CTNNA3: variants seen among roughly 807,000 people sequenced by gnomAD.
The protein encoded by CTNNA3 is catenin alpha-3.
In CTNNA3, 76 loss-of-function variants were observed where a neutral mutation model predicts 95.7. That is an observed-to-expected ratio of 0.79 (90% CI 0.66 to 0.96). CTNNA3 has a LOEUF of 0.96. CTNNA3 is among the 40% of genes least tolerant of loss of function. CTNNA3 has a pLI of 0.00. For synonymous variants in CTNNA3, 431 were observed against 374.4 expected, an observed-to-expected ratio of 1.15 and a Z score of -1.74; for missense variants, 1,191 against 1,089.8, an observed-to-expected ratio of 1.09 and a Z score of -1.31.
chr10:65,991,096 C>T (rs547359193), intron 15 of CTNNA3, among the ~76,000 whole-genome samples: 88 of 151,892 alleles, frequency 5.8e-4, no homozygotes, highest in African/African-American at 2.1e-3. Context: ...TTTCTGGGTT[C>T]TTTATTGGTT....
chr10:66,533,449 C>G (rs910761820), intron 10 of CTNNA3, among the ~76,000 whole-genome samples: 1 of 152,092 alleles, frequency 6.6e-6, no homozygotes, highest in African/African-American at 2.4e-5. Context: ...ATATCTCAAA[C>G]TTTATCAAAT....
chr10:67,229,141 C>G lies in CTNNA3; in HGVS notation c.580-9271G>C, dbSNP rs140929160. Among the ~76,000 whole-genome samples the G allele has an allele frequency of 7.7e-3, 1,176 of 152,164 alleles. 19 individuals carry two copies. Among genetic ancestry groups the G allele is most frequent in the African/African-American group, 0.027 (1,112 of 41,498 alleles). On this transcript the variant is annotated intron_variant, in intron 5 of 17. Transcript: ENST00000433211. ...CACCATGCTCAAGTGGGTTTCATAC[C>G]AGGGATGCAGGGATGGTTTAACATA...
intron 5 of CTNNA3, among the ~76,000 whole-genome samples, chr10:67,284,839 A>G (rs1428272512): frequency 2.6e-5 from 4 of 152,214 alleles, no homozygotes; most frequent in Non-Finnish European, 4.4e-5. Context: ...GAGTGTTAAA[A>G]ATATTGAAAA....
intron 1 of CTNNA3, among the ~76,000 whole-genome samples, chr10:67,740,629 GA>G (rs1169300547): frequency 1.3e-5 from 2 of 151,400 alleles, no homozygotes; most frequent in Non-Finnish European, 3.0e-5. Flanking sequence ...ACACCAGTTA[GA>G]ATGGCAGTCA....
intron 3 of CTNNA3, among the ~76,000 whole-genome samples, chr10:67,575,191 A>T (rs1437622741): frequency 6.6e-6 from 1 of 151,910 alleles, no homozygotes; most frequent in Non-Finnish European, 1.5e-5. Context: ...TCCTATATAT[A>T]TTTTTTGTTT....
chr10:66,897,432 A>T (rs921782031), intron 7 of CTNNA3, among the ~76,000 whole-genome samples: 2 of 152,134 alleles, frequency 1.3e-5, no homozygotes, highest in African/African-American at 4.8e-5. Context: ...ATAATTATTA[A>T]ACAAAATTAA....
chr10:67,646,702 A>G (rs74444779), intron 2 of CTNNA3, among the ~76,000 whole-genome samples: 2,791 of 152,202 alleles, frequency 0.018, 90 homozygotes, highest in African/African-American at 0.064. Flanking sequence ...AAGGGACTTG[A>G]ATCTTGTATT....
chr10:67,207,671 T>A (rs1339226403), intron 6 of CTNNA3, among the ~76,000 whole-genome samples: 2 of 152,156 alleles, frequency 1.3e-5, no homozygotes, highest in Admixed American at 1.3e-4. Context: ...TTGCCCTCCC[T>A]CCAGTATAGC....
At chr10:66,836,463 T>C (rs549623982) in intron 7 of CTNNA3, among the ~76,000 whole-genome samples, 1 of 152,088 alleles carries the variant, frequency 6.6e-6, no homozygotes, top group Non-Finnish European at 1.5e-5. Flanking sequence ...TTATCCTGAG[T>C]ATCCAACACT....
chr10:66,037,608 A>G (rs945375259), intron 15 of CTNNA3, among the ~76,000 whole-genome samples: 3 of 152,232 alleles, frequency 2.0e-5, no homozygotes, highest in Non-Finnish European at 4.4e-5. Context: ...TTGCCAGTGC[A>G]CTACCTGGAA....
intron 7 of CTNNA3, among the ~76,000 whole-genome samples, chr10:67,159,943 G>A (rs950595383): frequency 5.3e-5 from 8 of 152,224 alleles, no homozygotes; most frequent in Admixed American, 3.3e-4. Flanking sequence ...CTATAGAATG[G>A]AAGGAAACAT....
At chr10:67,303,658 C>A (rs1358493494) in intron 5 of CTNNA3, among the ~76,000 whole-genome samples, 2 of 152,156 alleles carry the variant, frequency 1.3e-5, no homozygotes, top group African/African-American at 2.4e-5. Flanking sequence ...TAAGAAAGTT[C>A]TTTTATGGTT....
intron 12 of CTNNA3, among the ~76,000 whole-genome samples, chr10:66,324,789 T>C (rs2092234049): frequency 6.6e-6 from 1 of 152,054 alleles, no homozygotes; most frequent in Admixed American, 6.5e-5. Flanking sequence ...TTGCTTTAAT[T>C]AGTTTATCAT....
chr10:67,261,538 G>A (rs1460685912), intron 5 of CTNNA3, among the ~76,000 whole-genome samples: 4 of 152,116 alleles, frequency 2.6e-5, no homozygotes, highest in African/African-American at 7.2e-5. Flanking sequence ...ATCAAGCAGA[G>A]TAAGGAGGAA....
chr10:66,862,215 A>G (rs1362365421), intron 7 of CTNNA3, among the ~76,000 whole-genome samples: 1 of 152,074 alleles, frequency 6.6e-6, no homozygotes, highest in African/African-American at 2.4e-5. Flanking sequence ...CACTGTCTCA[A>G]AAAGAAAAAA....
chr10:67,738,552 G>A lies in CTNNA3; in HGVS notation c.-2+24882C>T, dbSNP rs187819198. 6.5e-3 allele frequency among the ~76,000 whole-genome samples: 982 copies of A among 152,210 alleles called. 11 individuals carry two copies. Among genetic ancestry groups the A allele is most frequent in the African/African-American group, 0.022 (931 of 41,534 alleles). ...AGTGCCTCTCCTCCTCCAAACGAAC[G>A]CAGCTCCTCACCACCAACGGAACAA... On this transcript the variant is annotated intron_variant, in intron 1 of 17. Coordinates refer to the CTNNA3 transcript ENST00000684154.
chr10:66,454,282 T>C (rs2093482208), intron 11 of CTNNA3, among the ~76,000 whole-genome samples: 1 of 152,168 alleles, frequency 6.6e-6, no homozygotes, highest in Admixed American at 6.5e-5. Flanking sequence ...GACTGTAACT[T>C]ATTATTGCAG....
intron 13 of CTNNA3, among the ~76,000 whole-genome samples, chr10:66,251,786 T>A (rs2090563088): frequency 6.6e-6 from 1 of 152,194 alleles, no homozygotes; most frequent in African/African-American, 2.4e-5. Flanking sequence ...AGATAATAAC[T>A]ATTAAGTATT....
At chr10:66,933,026 T>A (rs1450732526) in intron 7 of CTNNA3, among the ~76,000 whole-genome samples, 10 of 152,222 alleles carry the variant, frequency 6.6e-5, no homozygotes, top group Non-Finnish European at 1.5e-5. Context: ...TACTATTGAC[T>A]GCTCATGGTA....
Sources: gnomAD v4.1 joint callset for allele counts (sites outside exome capture counted in the v4.1 genomes callset) on GRCh38, gnomAD v4.1.1 for gene constraint, MANE v1.5 for transcripts, NCBI Gene and HGNC (gene_info 2026-07-23, HGNC 2026-07-21) for gene names.